Variants in ACP6 observed in about 807,000 individuals in gnomAD.
The protein encoded by ACP6 is acid phosphatase 6, lysophosphatidic.
A neutral mutation model predicts 48.1 loss-of-function variants in ACP6; 48 were observed. The observed-to-expected ratio is 1.00, with a 90% CI of 0.79 to 1.27. The LOEUF is 1.27. ACP6 is among the 50% of genes most tolerant of loss of function. The pLI is 0.00. For synonymous variants in ACP6, 172 were observed against 204.2 expected, an observed-to-expected ratio of 0.84 and a Z score of 1.34; for missense variants, 485 against 529.1, an observed-to-expected ratio of 0.92 and a Z score of 0.82.
chr1:147,658,884 G>T (rs1660386925), intron 4 of ACP6, 76 bp downstream of exon 4: 1 of 1,395,330 alleles, frequency 7.2e-7, no homozygotes, highest in Non-Finnish European at 9.8e-7. Flanking sequence ...CAGGCACCAA[G>T]AAAGAGATAG....
At chr1:147,632,245 CTGTT>C (rs1659190069) in intron 5 of ACP6, among the ~76,000 whole-genome samples, 1 of 150,088 alleles carries the variant, frequency 6.7e-6, no homozygotes, top group South Asian at 2.1e-4. Context: ...TATCACGACT[CTGTT>C]TGTATCCTTC....
intron 5 of ACP6, 22 bp downstream of exon 5, chr1:147,655,138 AG>A (rs1660184519): frequency 6.4e-7 from 1 of 1,574,572 alleles, no homozygotes; most frequent in Non-Finnish European, 8.7e-7. Flanking sequence ...CCAACTGGTG[AG>A]CAAGAACCCA....
downstream of ACP6, among the ~76,000 whole-genome samples, chr1:147,638,717 C>T (rs1222165552): frequency 6.6e-6 from 1 of 152,180 alleles, no homozygotes; most frequent in Non-Finnish European, 1.5e-5. Flanking sequence ...CATACATACC[C>T]ATCTTGTCCA....
At chr1:147,663,803 C>T (rs1281409035) in intron 1 of ACP6, among the ~76,000 whole-genome samples, 1 of 152,152 alleles carries the variant, frequency 6.6e-6, no homozygotes, top group Non-Finnish European at 1.5e-5. Flanking sequence ...TTCCTATCTG[C>T]CCATCACCTT....
At chr1:147,663,314 AAG>A (rs1458723025) in intron 1 of ACP6, among the ~76,000 whole-genome samples, 2 of 152,168 alleles carry the variant, frequency 1.3e-5, no homozygotes, top group Non-Finnish European at 2.9e-5. Flanking sequence ...TAAATGGGGA[AAG>A]AGAGATTTTT....
In ACP6 at chr1:147,670,008, A is replaced by G. The variant is rs948070884; in HGVS notation, c.41T>C (p.Val14Ala). 14 of 1,545,936 alleles carry G rather than the reference A, an allele frequency of 9.1e-6. No individual in the cohort carries two copies. Among genetic ancestry groups the G allele is most frequent in the East Asian group, 7.3e-5 (3 of 40,834 alleles). The change falls in exon 1 of 10, where the codon GTG becomes GCG. Residue 14 changes from valine to alanine, a missense_variant. Coordinates refer to ENST00000583509, the MANE Select transcript of ACP6 (RefSeq NM_016361.5). The stretch of plus-strand genomic sequence containing the variant: ...GTACGCCAGCGAGGTCAGGACGCCC[A>G]CTGGGGTCCACAAGCGCATGCTGAA... ...GVFSMRLWTPVGVLTSLAYCL... is the reference protein window; with the variant it reads ...GVFSMRLWTPAGVLTSLAYCL...
chr1:147,658,870 G>T, intron 4 of ACP6, 90 bp downstream of exon 4: 1 of 1,271,574 alleles, frequency 7.9e-7, no homozygotes, highest in South Asian at 1.5e-5. Context: ...AAAAGTCAAG[G>T]GAACAGGCAC....
chr1:147,654,108 C>A, intron 6 of ACP6, 86 bp downstream of exon 6: 1 of 1,556,510 alleles, frequency 6.4e-7, no homozygotes, highest in Non-Finnish European at 8.6e-7. Context: ...ACCAGGAGGC[C>A]TCCACCCACT....
At chr1:147,637,086 C>A (rs1322685827) in intron 5 of ACP6, among the ~76,000 whole-genome samples, 2 of 152,188 alleles carry the variant, frequency 1.3e-5, no homozygotes, top group Admixed American at 6.5e-5. Context: ...CACTTCTCTC[C>A]TCCTGCTTTT....
At chr1:147,658,466 A>G (rs904303029) in intron 4 of ACP6, among the ~76,000 whole-genome samples, 17 of 152,178 alleles carry the variant, frequency 1.1e-4, no homozygotes, top group African/African-American at 3.9e-4. Context: ...AAAGGTTGGG[A>G]ACCACTGACT....
intron 3 of ACP6, 160 bp downstream of exon 3, chr1:147,659,236 G>T: frequency 8.7e-7 from 1 of 1,145,528 alleles, no homozygotes; most frequent in Non-Finnish European, 1.2e-6. Context: ...CTCCAGGAAC[G>T]ACCTGTTCAC....
At position 147,645,683 on chromosome 1, in the gene ACP6, G is replaced by T. The variant is rs1343771722; in HGVS notation, c.*1740C>A. ...TGACAAGAGCAGTTTCCATGGAGTG[G>T]TGGGGGTGAATACTTAATTGTAGCT... On this transcript the variant is annotated 3_prime_UTR_variant, in exon 10 of 10. Transcript: ENST00000583509. 1 of 152,226 alleles carries T rather than the reference G, an allele frequency of 6.6e-6. No homozygotes were observed. The highest frequency in any genetic ancestry group is 2.4e-5 in the African/African-American group (1 of 41,450). The allele number at this position is 152,226 out of a possible 1,614,324, so 9.4% of individuals were successfully genotyped here.
intron 4 of ACP6, among the ~76,000 whole-genome samples, chr1:147,655,954 C>T (rs1660237647): frequency 6.6e-6 from 1 of 152,178 alleles, no homozygotes; most frequent in Non-Finnish European, 1.5e-5. Flanking sequence ...AGTGCCATCT[C>T]TGTGTGGTAG....
At position 147,670,425 on chromosome 1, in the gene ACP6, C is replaced by G. The variant is rs1243860720; in HGVS notation, c.-377G>C. On this transcript the variant is annotated 5_prime_UTR_variant, in exon 1 of 10. Transcript: ENST00000583509. ...GGAACAGGAGCCGGCCCTGAGTTCC[C>G]TGGCGGCAGCGGCTCCACCAGCAAG... The G allele has an allele frequency of 5.9e-6, 1 of 169,626 alleles. No individual in the cohort carries two copies. The highest frequency in any genetic ancestry group is 6.2e-5 in the Admixed American group (1 of 16,074). 10.5% of individuals were successfully genotyped at this position (169,626 alleles called of 1,614,324 possible).
chr1:147,631,581 C>T (rs1323422041), intron 5 of ACP6, among the ~76,000 whole-genome samples: 2 of 152,058 alleles, frequency 1.3e-5, no homozygotes, highest in South Asian at 2.1e-4. Context: ...TTTGGGAGGC[C>T]GAGGTGGGTG....
intron 1 of ACP6, among the ~76,000 whole-genome samples, chr1:147,661,999 T>C (rs1189304131): frequency 6.6e-6 from 1 of 152,254 alleles, no homozygotes; most frequent in Non-Finnish European, 1.5e-5. Flanking sequence ...CTGCAAATCC[T>C]ACAGCCCTTA....
At chr1:147,653,876 A>G (rs1365894196) in intron 6 of ACP6, among the ~76,000 whole-genome samples, 1 of 152,102 alleles carries the variant, frequency 6.6e-6, no homozygotes, top group Non-Finnish European at 1.5e-5. Context: ...ATAAATAAGG[A>G]TTCCAAAATT....
intron 6 of ACP6, among the ~76,000 whole-genome samples, chr1:147,653,443 T>TA (rs879991731): frequency 2.1e-3 from 318 of 148,772 alleles, no homozygotes; most frequent in Middle Eastern, 3.4e-3. Flanking sequence ...TTTTTTAACT[T>TA]AAAAAAAAAA....
chr1:147,650,360 T>C, intron 7 of ACP6, 122 bp from the exon 8 acceptor site: 1 of 629,132 alleles, frequency 1.6e-6, no homozygotes, highest in East Asian at 3.3e-5. Flanking sequence ...AAGTAATGCA[T>C]AAGGGCCAGC....
Sources: allele counts gnomAD v4.1 joint callset (sites outside exome capture counted in the v4.1 genomes callset), GRCh38; gene constraint gnomAD v4.1.1; transcripts MANE v1.5; gene names NCBI Gene and HGNC (gene_info 2026-07-23, HGNC 2026-07-21).